The following SRCAP variants were observed in gnomAD, a reference collection of about 807,000 sequenced individuals.
The protein encoded by SRCAP is chromatin remodeling protein SRCAP.
SRCAP carries 46 observed loss-of-function variants against 263.1 expected under a neutral mutation model. That is an observed-to-expected ratio of 0.17 (90% CI 0.14 to 0.22). The LOEUF (loss-of-function observed/expected upper bound fraction) is 0.22, where lower values mean the gene tolerates loss of function less well. Ranked by LOEUF, SRCAP falls within the 10% of genes least tolerant of loss-of-function variation. SRCAP has a pLI of 1.00. For synonymous variants in SRCAP, 1,813 were observed against 1,662.1 expected (o/e 1.09, Z -2.21); for missense variants, 3,695 against 4,181.9 (o/e 0.88, Z 3.21).
rs1423358122 is a variant in SRCAP at position 30,721,222 on chromosome 16, C to A, written c.3287C>A (p.Thr1096Asn). Residue 1096 changes from threonine to asparagine, a missense_variant, in exon 21 of 34, where the codon ACC (threonine) becomes AAC (asparagine). Coordinates refer to ENST00000262518, the MANE Select transcript of SRCAP (RefSeq NM_006662.3). ...LPSPLGVLSG[T>N]SRPPTPTLSL... ...TCCCCCCTGGGGGTCCTGAGTGGGA[C>A]CTCACGGCCTCCCACGCCAACCTTG... The A allele has an allele frequency of 8.7e-6, 14 of 1,613,064 alleles. No homozygotes were observed. Among genetic ancestry groups the A allele is most frequent in the Non-Finnish European group, 1.2e-5 (14 of 1,179,502 alleles).
chr16:30,720,653 G>C (rs2053002242), intron 19 of SRCAP, 60 bp from the exon 20 acceptor site: 7 of 1,473,986 alleles, frequency 4.7e-6, no homozygotes, highest in Non-Finnish European at 2.7e-6. Context: ...TCTTTTCTTT[G>C]ATATTGCTAC....
At position 30,711,681 on chromosome 16, in the gene SRCAP, T is replaced by G; in HGVS notation, c.1429T>G (p.Cys477Gly). 6.2e-7 allele frequency: 1 copy of G among 1,614,016 alleles called. No homozygotes were observed. The highest frequency in any genetic ancestry group is 8.5e-7 in the Non-Finnish European group (1 of 1,179,988). ...EDEVDANSSD[C>G]EPEGPVEAEE... ...TGAGGTTGATGCTAATAGCTCTGAC[T>G]GTGAACCAGAGGGGCCCGTGGAAGC... The change falls in exon 11 of 34, where the codon TGT (cysteine) becomes GGT (glycine). Residue 477 changes from cysteine (C) to glycine (G), a missense_variant. Cys to Gly is a radical substitution (Grantham distance 159). Transcript: ENST00000262518.
chr16:30,713,271 C>T lies in SRCAP; in HGVS notation c.2194C>T (p.His732Tyr), dbSNP rs2052911675. 1 of 1,614,002 alleles carries T rather than the reference C, an allele frequency of 6.2e-7. No individual in the cohort carries two copies. The highest frequency in any genetic ancestry group is 1.7e-5 in the Admixed American group (1 of 59,988). The change falls in exon 15 of 34, where the codon CAC becomes TAC. Residue 732 changes from histidine to tyrosine, a missense_variant. His to Tyr is a moderately conservative substitution (Grantham distance 83). This residue lies in a region of SRCAP where 121 missense variants were observed against 330.7 expected (regional missense o/e 0.37). Transcript: ENST00000262518. ...ATCTTACAAGCTGGTGCTGCAGGACCACCAGGCCTTCCGTCGCAAGAACTG... is the reference window on the plus strand; with the variant it reads ...ATCTTACAAGCTGGTGCTGCAGGACTACCAGGCCTTCCGTCGCAAGAACTG... ...ITSYKLVLQD[H>Y]QAFRRKNWRY...
chr16:30,711,184 C>A, intron 10 of SRCAP, 96 bp downstream of exon 10: 1 of 903,228 alleles, frequency 1.1e-6, no homozygotes, highest in Non-Finnish European at 1.8e-6. Flanking sequence ...TGTATCCACC[C>A]TGGAGGAATT....
chr16:30,722,308 T>C, intron 22 of SRCAP, 22 bp downstream of exon 22: 1 of 1,605,694 alleles, frequency 6.2e-7, no homozygotes, highest in South Asian at 1.1e-5. Flanking sequence ...CCACCCCCTG[T>C]CCTGCCTTTT....
chr16:30,714,915 TTGG>T (rs1567243928), intron 16 of SRCAP, among the ~76,000 whole-genome samples: 1 of 152,228 alleles, frequency 6.6e-6, no homozygotes, highest in African/African-American at 2.4e-5. Context: ...CTTCATATTG[TTGG>T]TGTTTTCTCT....
Position 30,724,050 on chromosome 16 carries a change from C to T in SRCAP, c.4626C>T (p.Ala1542=). 1 of 1,613,810 alleles carries T rather than the reference C, an allele frequency of 6.2e-7. No individual in the cohort carries two copies. The highest frequency in any genetic ancestry group is 8.5e-7 in the Non-Finnish European group (1 of 1,180,018). Residue 1542 remains alanine (A), a synonymous_variant, in exon 25 of 34, where the codon GCC becomes GCT. Coordinates refer to ENST00000262518, the MANE Select transcript of SRCAP (RefSeq NM_006662.3). ...SHVPGLNSTV[A]PACSPVLVPA... ...TTCCAGGGTTGAACTCAACCGTGGCCCCAGCATGCTCACCTGTCCTGGTGC... is the reference window on the plus strand; with the variant it reads ...TTCCAGGGTTGAACTCAACCGTGGCTCCAGCATGCTCACCTGTCCTGGTGC...
intron 3 of SRCAP, among the ~76,000 whole-genome samples, chr16:30,702,781 T>A (rs1343851454): frequency 6.6e-6 from 1 of 151,496 alleles, no homozygotes; most frequent in African/African-American, 2.4e-5. Context: ...AATTTCTGTA[T>A]TTTTAGTAGA....
intron 19 of SRCAP, 95 bp from the exon 20 acceptor site, chr16:30,720,617 TA>T: frequency 7.2e-7 from 1 of 1,381,426 alleles, no homozygotes; most frequent in Non-Finnish European, 9.8e-7. Context: ...TTTGCTTTTA[TA>T]ATCTGTCTCT....
chr16:30,738,721 C>A lies in SRCAP; in HGVS notation c.8681C>A (p.Pro2894Gln). ...TLKGKTNGAD[P>Q]VPGPETLIVA... is the part of the protein sequence containing the mutation. ...AAGGGAAAAACCAATGGGGCTGACCCAGTCCCTGGGCCTGAGACCCTAATT... is the reference window on the plus strand; with the variant it reads ...AAGGGAAAAACCAATGGGGCTGACCAAGTCCCTGGGCCTGAGACCCTAATT... Residue 2894 changes from proline (P) to glutamine (Q), a missense_variant, in exon 34 of 34, where the codon CCA (proline) becomes CAA (glutamine). Pro to Gln is a moderately conservative substitution (Grantham distance 76, BLOSUM62 -1). This residue lies in a region of SRCAP where 1,207 missense variants were observed against 1,142.9 expected (regional missense o/e 1.06). Transcript: ENST00000262518. 1 of 1,614,120 alleles carries A rather than the reference C, an allele frequency of 6.2e-7. No individual in the cohort carries two copies. The highest frequency in any genetic ancestry group is 1.3e-5 in the African/African-American group (1 of 75,032).
chr16:30,714,733 T>G (rs1414797136), intron 16 of SRCAP, among the ~76,000 whole-genome samples: 2 of 152,038 alleles, frequency 1.3e-5, no homozygotes, highest in South Asian at 2.1e-4. Context: ...ACTCCTGACC[T>G]TAAGTGATCC....
Position 30,720,896 on chromosome 16 carries a change from G to C in SRCAP, c.3171G>C (p.Gly1057=). 1 of 1,614,092 alleles carries C rather than the reference G, an allele frequency of 6.2e-7. No homozygotes were observed. Among genetic ancestry groups the C allele is most frequent in the Non-Finnish European group, 8.5e-7 (1 of 1,180,016 alleles). ...TGATGGTTTCAGCCTCACCTGCCGG[G>C]CCCCCGCTTATTCCTGCATCTCGGC... ...ASLMVSASPA[G]PPLIPASRPP... Residue 1057 remains glycine, a synonymous_variant, in exon 20 of 34, where the codon GGG becomes GGC. Coordinates refer to ENST00000262518, the MANE Select transcript of SRCAP (RefSeq NM_006662.3).
chr16:30,722,699 C>T lies in SRCAP; in HGVS notation c.3843C>T (p.Ser1281=). 20 of 1,613,900 alleles carry T rather than the reference C, an allele frequency of 1.2e-5. No individual in the cohort carries two copies. The highest frequency in any genetic ancestry group is 1.7e-5 in the Non-Finnish European group (20 of 1,179,978). The change falls in exon 23 of 34, where the codon AGC becomes AGT. Residue 1281 remains serine, a synonymous_variant. Transcript: ENST00000262518. ...CTGTGCTGCCTTCTTCGACCCCCAG[C>T]ACCACCCCTGCCCCTACTGGCCTCA... ...PVSVLPSSTP[S]TTPAPTGLSL...
chr16:30,701,610 G>A (rs1183947698), intron 3 of SRCAP, among the ~76,000 whole-genome samples: 1 of 151,644 alleles, frequency 6.6e-6, no homozygotes, highest in Non-Finnish European at 1.5e-5. Context: ...CTTTCAGTAG[G>A]ACTTTGTTTT....
At chr16:30,704,689 AT>A (rs2052806692) in intron 4 of SRCAP, among the ~76,000 whole-genome samples, 1 of 151,986 alleles carries the variant, frequency 6.6e-6, no homozygotes, top group South Asian at 2.1e-4. Flanking sequence ...AGTACAAAAA[AT>A]TAGCTGGGTA....
chr16:30,702,494 A>G (rs1309135637), intron 3 of SRCAP, among the ~76,000 whole-genome samples: 1 of 150,820 alleles, frequency 6.6e-6, no homozygotes, highest in Non-Finnish European at 1.5e-5. Context: ...TCAGCCTCCA[A>G]AAGTGCTAGG....
In SRCAP at chr16:30,738,312, G is replaced by A. The variant is rs752028160; in HGVS notation, c.8272G>A (p.Val2758Ile). The change falls in exon 34 of 34, where the codon GTA (valine) becomes ATA (isoleucine). Residue 2758 changes from valine (V) to isoleucine (I), a missense_variant. By Grantham distance (29) the Val-to-Ile change is conservative. Around this residue, in one of 12 missense-constraint regions of SRCAP, gnomAD observed 1,207 missense variants for 1,142.9 expected, o/e 1.06. Transcript: ENST00000262518. ...RKLPGRLVTV[V>I]EEKELVRRRR... The stretch of plus-strand genomic sequence containing the variant: ...GCTGCCAGGACGGCTGGTAACTGTG[G>A]TAGAGGAAAAGGAACTGGTGCGGCG... 1 of 1,593,888 alleles carries A rather than the reference G, an allele frequency of 6.3e-7. No homozygotes were observed.
chr16:30,740,268 A>T lies in SRCAP; in HGVS notation c.*535A>T, dbSNP rs1193338924. On this transcript the variant is annotated 3_prime_UTR_variant, in exon 34 of 34. Coordinates refer to ENST00000262518, the MANE Select transcript of SRCAP (RefSeq NM_006662.3). Reference sequence around the variant, plus strand: ...CCCAGGACTATATGTTCCAGGCAGAAATCTACCCAAGAAGAGGGAAGATTG... The same window carrying T: ...CCCAGGACTATATGTTCCAGGCAGATATCTACCCAAGAAGAGGGAAGATTG... 6.6e-6 allele frequency: 1 copy of T among 152,408 alleles called. No homozygotes were observed. Among genetic ancestry groups the T allele is most frequent in the African/African-American group, 2.4e-5 (1 of 41,360 alleles). 9.4% of individuals were successfully genotyped at this position (152,408 alleles called of 1,614,324 possible). A position where few individuals can be genotyped will look rare whatever the true frequency, so the allele number is the denominator to read the frequency against.
chr16:30,707,098 C>T lies in SRCAP; in HGVS notation c.307-85C>T, dbSNP rs889567191. On this transcript the variant is annotated intron_variant, in intron 4 of 33. Transcript: ENST00000262518. Reference sequence around the variant, plus strand: ...TAAACATAAGCATAACACACTCAGCCCACTTAGTGCTCAGGAATTCAGCCG... The same window carrying T: ...TAAACATAAGCATAACACACTCAGCTCACTTAGTGCTCAGGAATTCAGCCG... 23 of 1,395,132 alleles carry T rather than the reference C, an allele frequency of 1.6e-5. No homozygotes were observed. In the Admixed American group the frequency reaches 2.9e-4, roughly 18 times the overall value. The allele number at this position is 1,395,132 out of a possible 1,614,324, so 86.4% of individuals were successfully genotyped here.
Sources: gnomAD v4.1 joint callset for allele counts (sites outside exome capture counted in the v4.1 genomes callset) on GRCh38, gnomAD v4.1.1 for gene constraint, gnomAD v4.1.1 regional missense constraint, MANE v1.5 for transcripts, NCBI Gene and HGNC (gene_info 2026-07-23, HGNC 2026-07-21) for gene names.